Variants in ROR2 observed in about 807,000 individuals in gnomAD.
ROR2 encodes ROR family WNT receptor 2, also known as tyrosine-protein kinase transmembrane receptor ROR2.
A neutral mutation model predicts 74.9 loss-of-function variants in ROR2; 33 were observed. The ratio of observed to expected loss-of-function variants is 0.44; its 90% CI spans 0.33 to 0.59. The LOEUF (loss-of-function observed/expected upper bound fraction) is 0.59. Ranked by LOEUF, ROR2 falls within the 20% of genes least tolerant of loss-of-function variation. ROR2 has a pLI of 0.02. For synonymous variants in ROR2, 586 were observed against 558.7 expected, an observed-to-expected ratio of 1.05 and a Z score of -0.69; for missense variants, 1,216 against 1,313.8, an observed-to-expected ratio of 0.93 and a Z score of 1.15.
chr9:91,813,435 G>A (rs561953490), intron 1 of ROR2, among the ~76,000 whole-genome samples: 6 of 152,296 alleles, frequency 3.9e-5, no homozygotes, highest in South Asian at 2.1e-4. Context: ...GGGCTGGCGC[G>A]TCTGGGTCAG....
At chr9:91,937,641 T>C (rs1395765616) in intron 1 of ROR2, among the ~76,000 whole-genome samples, 6 of 152,122 alleles carry the variant, frequency 3.9e-5, no homozygotes, top group African/African-American at 1.4e-4. Flanking sequence ...GAGATAAATG[T>C]CTTCCCCAGG....
intron 1 of ROR2, among the ~76,000 whole-genome samples, chr9:91,814,079 T>C (rs1827842669): frequency 1.3e-5 from 2 of 152,096 alleles, no homozygotes; most frequent in African/African-American, 4.8e-5. Context: ...TCCCAGTTAC[T>C]TAGGAGGCTA....
At chr9:91,868,810 G>A (rs1829712872) in intron 1 of ROR2, among the ~76,000 whole-genome samples, 1 of 152,196 alleles carries the variant, frequency 6.6e-6, no homozygotes, top group Admixed American at 6.5e-5. Context: ...AATAAGCGCT[G>A]AAGGAAGTGC....
At chr9:91,852,268 T>C (rs1829120278) in intron 1 of ROR2, among the ~76,000 whole-genome samples, 1 of 152,230 alleles carries the variant, frequency 6.6e-6, no homozygotes. Context: ...AATAGACAAC[T>C]GAACCAACCA....
At chr9:91,857,273 G>A (rs567054520) in intron 1 of ROR2, among the ~76,000 whole-genome samples, 2 of 152,292 alleles carry the variant, frequency 1.3e-5, no homozygotes, top group South Asian at 2.1e-4. Flanking sequence ...GCAACATGAA[G>A]GCAGCCTTCC....
chr9:91,885,489 G>A (rs908925883), intron 1 of ROR2, among the ~76,000 whole-genome samples: 2 of 152,166 alleles, frequency 1.3e-5, no homozygotes, highest in Non-Finnish European at 2.9e-5. Context: ...GGATTCCCCA[G>A]GACTGAGCAG....
At chr9:91,757,168 T>C in intron 3 of ROR2, 104 bp downstream of exon 3, 12 of 1,452,954 alleles carry the variant, frequency 8.3e-6, no homozygotes, top group Non-Finnish European at 1.1e-5. Flanking sequence ...TCTCCCCTCG[T>C]GCTGACTGGT....
At chr9:91,754,672 A>T (rs1392242240) in intron 4 of ROR2, among the ~76,000 whole-genome samples, 2 of 152,106 alleles carry the variant, frequency 1.3e-5, no homozygotes, top group African/African-American at 4.8e-5. Flanking sequence ...AAAATAACTA[A>T]AATAAAAGAC....
rs531108921 is a variant in ROR2 at position 91,723,556 on chromosome 9, G to A, written c.*106C>T. 1.5e-5 allele frequency: 23 copies of A among 1,494,712 alleles called. No individual in the cohort carries two copies. The highest frequency in any genetic ancestry group is 2.5e-4 in the Middle Eastern group (1 of 4,016). 92.6% of individuals were successfully genotyped at this position (1,494,712 alleles called of 1,614,324 possible). On this transcript the variant is annotated 3_prime_UTR_variant, in exon 9 of 9. Coordinates refer to ENST00000375708, the MANE Select transcript of ROR2 (RefSeq NM_004560.4). ...CAGTCTGCAAACAAGCCCACTGGCCGGCGGGCTCTTGTGATTGCTGAGTAT... is the reference window on the plus strand; with the variant it reads ...CAGTCTGCAAACAAGCCCACTGGCCAGCGGGCTCTTGTGATTGCTGAGTAT...
intron 7 of ROR2, among the ~76,000 whole-genome samples, chr9:91,728,039 T>C (rs1812579498): frequency 6.6e-6 from 1 of 152,222 alleles, no homozygotes; most frequent in African/African-American, 2.4e-5. Context: ...CATTCTTTTT[T>C]ACTAGGGTTT....
chr9:91,844,280 A>C (rs1003156809), intron 1 of ROR2, among the ~76,000 whole-genome samples: 1 of 152,010 alleles, frequency 6.6e-6, no homozygotes, highest in Non-Finnish European at 1.5e-5. Context: ...GGGATCCGAG[A>C]GCACAAAGAA....
chr9:91,939,514 C>A (rs1409783352), intron 1 of ROR2, among the ~76,000 whole-genome samples: 2 of 152,046 alleles, frequency 1.3e-5, no homozygotes. Context: ...CCTGACTGTA[C>A]CTTTTGTCCC....
chr9:91,768,423 G>A (rs1413324336), intron 2 of ROR2, among the ~76,000 whole-genome samples: 1 of 152,200 alleles, frequency 6.6e-6, no homozygotes. Context: ...ACATGGGTGT[G>A]TGCACACCCT....
chr9:91,828,275 G>A (rs1279008049), intron 1 of ROR2, among the ~76,000 whole-genome samples: 1 of 152,078 alleles, frequency 6.6e-6, no homozygotes. Flanking sequence ...TATCTATTTT[G>A]CTTTTGCAAT....
chr9:91,848,350 C>T (rs1828988243), intron 1 of ROR2, among the ~76,000 whole-genome samples: 1 of 152,186 alleles, frequency 6.6e-6, no homozygotes, highest in Non-Finnish European at 1.5e-5. Flanking sequence ...AAGGAGTGGA[C>T]CTCTGTCTGT....
chr9:91,757,857 A>G (rs955944903), intron 2 of ROR2, among the ~76,000 whole-genome samples: 1 of 152,124 alleles, frequency 6.6e-6, no homozygotes, highest in Non-Finnish European at 1.5e-5. Flanking sequence ...CTGTTTAAAG[A>G]CACCATATTC....
At chr9:91,941,324 C>A (rs1297234315) in intron 1 of ROR2, among the ~76,000 whole-genome samples, 1 of 152,182 alleles carries the variant, frequency 6.6e-6, no homozygotes, top group Non-Finnish European at 1.5e-5. Context: ...AACCATTTCG[C>A]CTTTACAGAG....
chr9:91,847,684 C>G (rs1828971679), intron 1 of ROR2, among the ~76,000 whole-genome samples: 1 of 152,202 alleles, frequency 6.6e-6, no homozygotes, highest in African/African-American at 2.4e-5. Flanking sequence ...GGGTCGAGAG[C>G]AGGCCTGAGA....
intron 1 of ROR2, among the ~76,000 whole-genome samples, chr9:91,846,814 G>A (rs1444375616): frequency 1.3e-5 from 2 of 152,176 alleles, no homozygotes; most frequent in African/African-American, 4.8e-5. Context: ...CACTGGGCTG[G>A]AGTCTGTCTT....
Sources: gnomAD v4.1 joint callset for allele counts (sites outside exome capture counted in the v4.1 genomes callset) on GRCh38, gnomAD v4.1.1 for gene constraint, MANE v1.5 for transcripts, NCBI Gene and HGNC (gene_info 2026-07-23, HGNC 2026-07-21) for gene names.